Variants in MGLL observed in about 807,000 individuals in gnomAD.
MGLL encodes lysophospholipase homolog.
Under a neutral mutation model 29.1 loss-of-function variants are expected in MGLL, and 7 were observed. That is an observed-to-expected ratio of 0.24 (90% CI 0.14 to 0.45). MGLL has a LOEUF of 0.45. MGLL is among the 20% of genes least tolerant of loss of function. MGLL has a pLI of 0.99. For missense variants in MGLL, 356 were observed against 413.6 expected, an observed-to-expected ratio of 0.86 and a Z score of 1.21; for synonymous variants, 148 against 168.3, an observed-to-expected ratio of 0.88 and a Z score of 0.93.
intron 2 of MGLL, among the ~76,000 whole-genome samples, chr3:127,806,753 G>A (rs11924145): frequency 0.018 from 2,721 of 152,114 alleles, 81 homozygotes; most frequent in African/African-American, 0.061. Flanking sequence ...AGGGCCAGGC[G>A]CGGTGGCTCA....
rs944588227 is a variant in MGLL, at chr3:127,761,737, G to T, written c.262+20052C>A. ...ACGCAGGCTGCCTCCCTCCTGGCAC[G>T]TTCGGCTCCTCGCTTCATCGGCCGG... On this transcript the variant is annotated intron_variant, in intron 3 of 7. Coordinates refer to ENST00000265052, the MANE Select transcript of MGLL (RefSeq NM_007283.7). This position sits in a 1 kb window ranked among gnomAD's most constrained non-coding sequence, Gnocchi z 4.6. 6.6e-6 allele frequency among the ~76,000 whole-genome samples: 1 copy of T among 152,196 alleles called. No homozygotes were observed. Among genetic ancestry groups the T allele is most frequent in the Non-Finnish European group, 1.5e-5 (1 of 68,044 alleles).
Position 127,771,360 on chromosome 3 carries a change from A to AT in MGLL, c.262+10428dup, listed in dbSNP as rs200674277. On this transcript the variant is annotated intron_variant, in intron 3 of 7. Coordinates refer to ENST00000265052, the MANE Select transcript of MGLL (RefSeq NM_007283.7). ...TTCCTCCAGTTATGCATTTTATTTT[A>AT]TTTTTTGCGATAGGGTCTCGCTCTG... Among the ~76,000 whole-genome samples, 852 of 151,782 alleles carry AT rather than the reference A, an allele frequency of 5.6e-3. 9 individuals carry two copies. Among genetic ancestry groups the AT allele is most frequent in the African/African-American group, 0.015 (608 of 41,402 alleles).
At chr3:127,783,892 G>T (rs2077170782) in intron 2 of MGLL, 1 of 152,198 alleles carries the variant, frequency 6.6e-6, no homozygotes, top group Admixed American at 6.5e-5. Flanking sequence ...TCTTCAAAAG[G>T]GGCTGTGCTT....
intron 2 of MGLL, among the ~76,000 whole-genome samples, chr3:127,810,210 T>C (rs1256010635): frequency 6.6e-6 from 1 of 152,212 alleles, no homozygotes; most frequent in East Asian, 1.9e-4. Flanking sequence ...AAATCAACCC[T>C]GTTGACGCCT....
At chr3:127,763,004 T>G (rs2076792671) in intron 3 of MGLL, among the ~76,000 whole-genome samples, 3 of 152,204 alleles carry the variant, frequency 2.0e-5, no homozygotes, top group African/African-American at 7.2e-5. Flanking sequence ...AGCTTTGCCC[T>G]TGATCTTCAT....
chr3:127,821,026 A>C (rs561222473), intron 2 of MGLL, among the ~76,000 whole-genome samples: 2 of 152,220 alleles, frequency 1.3e-5, no homozygotes, highest in Non-Finnish European at 2.9e-5. Flanking sequence ...TGTTCTTGTC[A>C]CCAGGCCAAT....
chr3:127,711,910 G>C (rs1307058800), intron 5 of MGLL: 1 of 152,182 alleles, frequency 6.6e-6, no homozygotes, highest in East Asian at 1.9e-4. Flanking sequence ...TTTTAGTAGA[G>C]ACGGGGTTTC....
intron 2 of MGLL, among the ~76,000 whole-genome samples, chr3:127,797,249 T>G (rs1232324030): frequency 6.6e-6 from 1 of 152,094 alleles, no homozygotes; most frequent in East Asian, 1.9e-4. Flanking sequence ...CCACTCAGCT[T>G]CTGGGACATT....
intron 3 of MGLL, among the ~76,000 whole-genome samples, chr3:127,775,261 C>A (rs1388562400): frequency 2.0e-5 from 3 of 152,126 alleles, no homozygotes; most frequent in Non-Finnish European, 4.4e-5. Flanking sequence ...ACTTAAAGGG[C>A]AACTCACTCC....
chr3:127,821,231 C>G (rs986430764), intron 2 of MGLL, among the ~76,000 whole-genome samples: 1 of 152,134 alleles, frequency 6.6e-6, no homozygotes, highest in African/African-American at 2.4e-5. Flanking sequence ...GAAGGAAATA[C>G]CCAGGCCCCT....
chr3:127,759,649 T>C (rs142241446), intron 3 of MGLL, among the ~76,000 whole-genome samples: 2 of 152,308 alleles, frequency 1.3e-5, no homozygotes, highest in African/African-American at 4.8e-5. Flanking sequence ...CAGAGATGCT[T>C]TGAGCCCAGA....
At chr3:127,705,619 A>G (rs976789232) in intron 6 of MGLL, among the ~76,000 whole-genome samples, 1 of 151,902 alleles carries the variant, frequency 6.6e-6, no homozygotes, top group Admixed American at 6.6e-5. Flanking sequence ...TCTACTAAAA[A>G]TATGAAATTA....
At chr3:127,718,590 A>C (rs1019240278) in intron 5 of MGLL, among the ~76,000 whole-genome samples, 6 of 152,194 alleles carry the variant, frequency 3.9e-5, no homozygotes, top group Non-Finnish European at 8.8e-5. Context: ...AATAAAACCC[A>C]AAACCCACAA....
At chr3:127,763,614 G>A (rs553507638) in intron 3 of MGLL, among the ~76,000 whole-genome samples, 142 of 152,332 alleles carry the variant, frequency 9.3e-4, no homozygotes, top group Non-Finnish European at 1.8e-3. Context: ...ACCTGGACCT[G>A]TGCTGAGGCC....
intron 2 of MGLL, among the ~76,000 whole-genome samples, chr3:127,810,586 T>C (rs1377537878): frequency 6.6e-6 from 1 of 152,218 alleles, no homozygotes; most frequent in East Asian, 1.9e-4. Flanking sequence ...CCATGGTGTA[T>C]GGCACTGCCT....
intron 6 of MGLL, 60 bp downstream of exon 6, chr3:127,710,516 T>G: frequency 7.1e-7 from 1 of 1,412,876 alleles, no homozygotes; most frequent in Non-Finnish European, 9.8e-7. Context: ...GAGCCAAAAC[T>G]CTGATTCCCC....
chr3:127,759,639 C>T (rs1017274348), intron 3 of MGLL, among the ~76,000 whole-genome samples: 2 of 152,190 alleles, frequency 1.3e-5, no homozygotes, highest in Admixed American at 6.5e-5. Context: ...TGCCACTTTA[C>T]AGAGATGCTT....
chr3:127,739,628 A>T (rs2076300397), intron 3 of MGLL, among the ~76,000 whole-genome samples: 2 of 152,180 alleles, frequency 1.3e-5, no homozygotes, highest in African/African-American at 4.8e-5. Flanking sequence ...CATACGTGAT[A>T]TCAAAGCAGA....
chr3:127,714,620 A>T (rs1426314511), intron 5 of MGLL, among the ~76,000 whole-genome samples: 1 of 152,122 alleles, frequency 6.6e-6, no homozygotes, highest in African/African-American at 2.4e-5. Context: ...TTCCCAGTGA[A>T]TGCGCACACA....
Sources: gnomAD v4.1 joint callset for allele counts (sites outside exome capture counted in the v4.1 genomes callset) on GRCh38, gnomAD v4.1.1 for gene constraint, Gnocchi (gnomAD v3.1) non-coding constraint, MANE v1.5 for transcripts, NCBI Gene and HGNC (gene_info 2026-07-23, HGNC 2026-07-21) for gene names.